Variants in CTNND2 observed in about 807,000 individuals in gnomAD.
CTNND2 encodes catenin delta 2, also known as catenin delta-2.
CTNND2 carries 22 observed loss-of-function variants against 144.4 expected under a neutral mutation model. The ratio of observed to expected loss-of-function variants is 0.15; its 90% CI spans 0.11 to 0.22. CTNND2 has a LOEUF of 0.22. CTNND2 is among the 10% of genes least tolerant of loss of function. The pLI is 1.00. For synonymous variants in CTNND2, 751 were observed against 695.6 expected, an observed-to-expected ratio of 1.08 and a Z score of -1.25; for missense variants, 1,353 against 1,618.8, an observed-to-expected ratio of 0.84 and a Z score of 2.82.
chr5:11,526,878 G>T (rs968774685), intron 3 of CTNND2, among the ~76,000 whole-genome samples: 1 of 144,984 alleles, frequency 6.9e-6, no homozygotes, highest in Admixed American at 7.2e-5. Flanking sequence ...AATATGGTCT[G>T]TCCATACTGT....
intron 9 of CTNND2, among the ~76,000 whole-genome samples, chr5:11,249,427 G>A (rs1361220541): frequency 7.9e-5 from 12 of 152,200 alleles, no homozygotes. Context: ...ATTCAAAGGA[G>A]CAAGGCTTTG....
At chr5:11,375,368 A>G (rs1343357789) in intron 7 of CTNND2, among the ~76,000 whole-genome samples, 2 of 152,228 alleles carry the variant, frequency 1.3e-5, no homozygotes, top group Non-Finnish European at 2.9e-5. Flanking sequence ...TATATTTTAC[A>G]ACTTCTCTAT....
intron 1 of CTNND2, among the ~76,000 whole-genome samples, chr5:11,779,912 G>A (rs1330756684): frequency 1.3e-5 from 2 of 152,080 alleles, no homozygotes; most frequent in Non-Finnish European, 1.5e-5. Context: ...TAGCACACAC[G>A]GTAAAGCAAG....
At chr5:11,668,140 C>T (rs1007425179) in intron 2 of CTNND2, among the ~76,000 whole-genome samples, 2 of 152,152 alleles carry the variant, frequency 1.3e-5, no homozygotes, top group African/African-American at 4.8e-5. Flanking sequence ...GTTTTGGTAC[C>T]AGTACCATGC....
chr5:11,406,937 G>GA (rs1581129095), intron 5 of CTNND2, among the ~76,000 whole-genome samples: 1 of 152,016 alleles, frequency 6.6e-6, no homozygotes, highest in Admixed American at 6.6e-5. Flanking sequence ...ATATGCTACA[G>GA]AAAAAATAAT....
intron 3 of CTNND2, among the ~76,000 whole-genome samples, chr5:11,448,626 A>G (rs1265599495): frequency 6.6e-6 from 1 of 152,174 alleles, no homozygotes; most frequent in Non-Finnish European, 1.5e-5. Context: ...AATTACTTAT[A>G]TTAAGGTATT....
chr5:11,712,094 C>T (rs1786065709), intron 2 of CTNND2, among the ~76,000 whole-genome samples: 1 of 152,104 alleles, frequency 6.6e-6, no homozygotes, highest in Admixed American at 6.5e-5. Context: ...CTAAATGTCC[C>T]CAGCCAGCTC....
chr5:11,867,030 T>C (rs1196549988), intron 1 of CTNND2, among the ~76,000 whole-genome samples: 1 of 152,252 alleles, frequency 6.6e-6, no homozygotes, highest in African/African-American at 2.4e-5. Flanking sequence ...CTTGTTTTAA[T>C]ATCACAAGTC....
intron 3 of CTNND2, among the ~76,000 whole-genome samples, chr5:11,510,423 T>C (rs990347131): frequency 2.0e-5 from 3 of 152,232 alleles, no homozygotes; most frequent in African/African-American, 7.2e-5. Context: ...TCTACACTCA[T>C]TAAATTTTGA....
At chr5:11,788,175 A>C (rs1408425994) in intron 1 of CTNND2, among the ~76,000 whole-genome samples, 1 of 152,156 alleles carries the variant, frequency 6.6e-6, no homozygotes, top group East Asian at 1.9e-4. Context: ...AAATTTTTTA[A>C]AACTAAAAAT....
intron 14 of CTNND2, among the ~76,000 whole-genome samples, chr5:11,101,911 G>GTGTGTGTGTA (rs1751932572): frequency 6.6e-6 from 1 of 151,866 alleles, no homozygotes; most frequent in Non-Finnish European, 1.5e-5. Context: ...GTGTGTGTGT[G>GTGTGTGTGTA]TGTGTGTGTG....
rs182754825 is a variant in CTNND2 at position 11,278,171 on chromosome 5, C to T, written c.1629-41348G>A. ...TCTCCATCAAGGGTCTCAAGGGACG[C>T]GCCAATCCAATGCTTCTCTACAGTC... On this transcript the variant is annotated intron_variant, in intron 9 of 21. Coordinates refer to ENST00000304623, the MANE Select transcript of CTNND2 (RefSeq NM_001332.4). 6.0e-4 allele frequency among the ~76,000 whole-genome samples: 91 copies of T among 152,250 alleles called. 1 individual carries two copies. In the East Asian group the frequency reaches 0.011, roughly 18 times the overall value.
At chr5:11,248,763 T>G in intron 9 of CTNND2, among the ~76,000 whole-genome samples, 1 of 152,232 alleles carries the variant, frequency 6.6e-6, no homozygotes, top group Admixed American at 6.5e-5. Context: ...AGTGAGAACG[T>G]GTCCTGAAGT....
rs979007142 is a variant in CTNND2 at position 11,883,862 on chromosome 5, T to C, written c.37+19955A>G. Among the ~76,000 whole-genome samples, 18 of 152,336 alleles carry C rather than the reference T, an allele frequency of 1.2e-4. No homozygotes were observed. In the East Asian group the frequency reaches 3.5e-3, roughly 29 times the overall value. ...CATCTGTTGTTTCCTGACTTTTTAA[T>C]GATCGCCATGCTAACTGGCATGAGA... is the stretch of plus-strand genomic sequence containing the variant. On this transcript the variant is annotated intron_variant, in intron 1 of 21. Transcript: ENST00000304623.
At chr5:11,091,837 G>A (rs77601379) in intron 15 of CTNND2, among the ~76,000 whole-genome samples, 15,331 of 152,204 alleles carry the variant, frequency 0.1, 977 homozygotes, top group Non-Finnish European at 0.14. Flanking sequence ...ATAATTTCAG[G>A]TGTTTCTTTC....
intron 9 of CTNND2, among the ~76,000 whole-genome samples, chr5:11,251,464 C>A (rs1296708050): frequency 6.6e-6 from 1 of 152,210 alleles, no homozygotes; most frequent in Non-Finnish European, 1.5e-5. Flanking sequence ...GTGATGACAT[C>A]ATTGAAAGGA....
rs73048709 is a variant in CTNND2, at chr5:11,847,633, T to C, written c.37+56184A>G. ...CGAAATAGCTAGAAGATTTTGAATGTTGTCACCATAAAGAAGTGATAAATG... is the reference window on the plus strand; with the variant it reads ...CGAAATAGCTAGAAGATTTTGAATGCTGTCACCATAAAGAAGTGATAAATG... On this transcript the variant is annotated intron_variant, in intron 1 of 21. Coordinates refer to ENST00000304623, the MANE Select transcript of CTNND2 (RefSeq NM_001332.4). 5.5e-3 allele frequency among the ~76,000 whole-genome samples: 833 copies of C among 152,244 alleles called. 13 individuals carry two copies. Among genetic ancestry groups the C allele is most frequent in the African/African-American group, 0.019 (770 of 41,544 alleles).
At chr5:11,474,211 T>C in intron 3 of CTNND2, among the ~76,000 whole-genome samples, 1 of 152,234 alleles carries the variant, frequency 6.6e-6, no homozygotes, top group Non-Finnish European at 1.5e-5. Flanking sequence ...AAAACTTCAA[T>C]TAATTATGTA....
chr5:11,814,609 G>C (rs1281279653), intron 1 of CTNND2, among the ~76,000 whole-genome samples: 2 of 152,258 alleles, frequency 1.3e-5, no homozygotes, highest in Non-Finnish European at 2.9e-5. Flanking sequence ...CAGACGCAGA[G>C]AGCCACCGTT....
Sources: allele counts gnomAD v4.1 joint callset (sites outside exome capture counted in the v4.1 genomes callset), GRCh38; gene constraint gnomAD v4.1.1; transcripts MANE v1.5; gene names NCBI Gene and HGNC (gene_info 2026-07-23, HGNC 2026-07-21).